The following CSF1R variants were observed in gnomAD, a reference collection of about 807,000 sequenced individuals.
CSF1R encodes colony stimulating factor 1 receptor, also known as macrophage colony-stimulating factor 1 receptor.
Under a neutral mutation model 110.0 loss-of-function variants are expected in CSF1R, and 40 were observed. The observed-to-expected ratio is 0.36, with a 90% CI of 0.28 to 0.47. The LOEUF is 0.47. CSF1R is among the 20% of genes least tolerant of loss of function. The pLI is 0.99. For missense variants in CSF1R, 1,052 were observed against 1,253.0 expected (o/e 0.84, Z 2.42); for synonymous variants, 523 against 503.4 (o/e 1.04, Z -0.52).
Position 150,097,804 on chromosome 5 carries a change from A to G in CSF1R, c.-180-11197T>C, listed in dbSNP as rs549613245. Among the ~76,000 whole-genome samples the G allele has an allele frequency of 7.2e-5, 11 of 152,350 alleles. No individual in the cohort carries two copies. In the South Asian group the frequency reaches 1.2e-3, roughly 17 times the overall value. ...CAATGTTTGTGGGTTTGAAGACTCAATATTTTTGAGCATGCTGATTCTTCT... is the reference window on the plus strand; with the variant it reads ...CAATGTTTGTGGGTTTGAAGACTCAGTATTTTTGAGCATGCTGATTCTTCT... On this transcript the variant is annotated intron_variant, in intron 1 of 21. Transcript: ENST00000286301.
chr5:150,058,260 C>T (rs1205810606), intron 14 of CSF1R: 1 of 456,280 alleles, frequency 2.2e-6, no homozygotes, highest in South Asian at 1.5e-5. Context: ...TCCAACAGTC[C>T]TCAAGAGATG....
chr5:150,054,675 G>A, intron 19 of CSF1R: 2 of 477,826 alleles, frequency 4.2e-6, no homozygotes, highest in Non-Finnish European at 7.4e-6. Flanking sequence ...CAGGGTAACT[G>A]TAATAACGAT....
intron 13 of CSF1R, among the ~76,000 whole-genome samples, chr5:150,060,329 G>C (rs1209944538): frequency 9.4e-6 from 1 of 106,444 alleles, no homozygotes; most frequent in Admixed American, 9.7e-5. Flanking sequence ...TCCGTCTCAA[G>C]AAAAAAAAAA....
At chr5:150,062,397 A>T (rs1757571829) in intron 10 of CSF1R, among the ~76,000 whole-genome samples, 1 of 146,788 alleles carries the variant, frequency 6.8e-6, no homozygotes, top group African/African-American at 2.5e-5. Flanking sequence ...CAAAACTGAA[A>T]TTCTGTTCCT....
chr5:150,090,246 A>G (rs1336378695), upstream of CSF1R, among the ~76,000 whole-genome samples: 1 of 152,256 alleles, frequency 6.6e-6, no homozygotes, highest in African/African-American at 2.4e-5. Context: ...ATGAATATTT[A>G]TATCCACAAT....
At chr5:150,081,547 A>G (rs1448661726) in intron 1 of CSF1R, among the ~76,000 whole-genome samples, 1 of 152,136 alleles carries the variant, frequency 6.6e-6, no homozygotes. Flanking sequence ...CGCTCCCACC[A>G]ATGGACATCT....
intron 4 of CSF1R, among the ~76,000 whole-genome samples, chr5:150,077,856 A>G (rs1304794396): frequency 3.3e-5 from 5 of 152,230 alleles, no homozygotes; most frequent in African/African-American, 1.2e-4. Context: ...GGCAAAGGCC[A>G]TGTGTCAAGG....
Position 150,080,150 on chromosome 5 carries a change from T to A in CSF1R, c.494A>T (p.His165Leu). Residue 165 changes from histidine to leucine, a missense_variant, in exon 3 of 21, where the codon CAC becomes CTC. His to Leu is a moderately conservative substitution (Grantham distance 99). Around this residue, in one of 5 missense-constraint regions of CSF1R, gnomAD observed 693 missense variants for 735.4 expected, o/e 0.94. Coordinates refer to ENST00000675795, the MANE Select transcript of CSF1R (RefSeq NM_001288705.3). Reference protein sequence around the residue: ...SFSPWHGFTIHRAKFIQSQDY... With the variant: ...SFSPWHGFTILRAKFIQSQDY... ...CTGGCTCTGAATGAACTTGGCCCTG[T>A]GGATGGTGAAGCCATGCCAGGGCGA... 6.2e-7 allele frequency: 1 copy of A among 1,614,090 alleles called. No homozygotes were observed. Among genetic ancestry groups the A allele is most frequent in the Non-Finnish European group, 8.5e-7 (1 of 1,180,050 alleles).
intron 1 of CSF1R, among the ~76,000 whole-genome samples, chr5:150,092,775 T>G (rs1431829293): frequency 6.6e-6 from 1 of 152,100 alleles, no homozygotes; most frequent in Non-Finnish European, 1.5e-5. Flanking sequence ...CAATTCAAGG[T>G]GAGAATTGGG....
At chr5:150,063,872 TG>T (rs1757641381) in intron 10 of CSF1R, among the ~76,000 whole-genome samples, 1 of 152,166 alleles carries the variant, frequency 6.6e-6, no homozygotes, top group African/African-American at 2.4e-5. Context: ...TGGCTGTGCC[TG>T]CAGCTGGGCT....
intron 10 of CSF1R, among the ~76,000 whole-genome samples, chr5:150,067,743 T>C (rs1757836428): frequency 6.6e-6 from 1 of 152,222 alleles, no homozygotes; most frequent in African/African-American, 2.4e-5. Flanking sequence ...TGCCCCGTGC[T>C]GGGTGCCAGG....
At chr5:150,077,500 C>A in intron 4 of CSF1R, 65 bp from the exon 5 acceptor site, 1 of 1,511,536 alleles carries the variant, frequency 6.6e-7, no homozygotes, top group Non-Finnish European at 9.1e-7. Flanking sequence ...ATCTGGGTTC[C>A]AATCCTCAGC....
At chr5:150,058,201 C>G in intron 14 of CSF1R, 1 of 456,102 alleles carries the variant, frequency 2.2e-6, no homozygotes, top group South Asian at 1.5e-5. Context: ...CTCTGCAATG[C>G]AGATTTTGAA....
At chr5:150,111,113 T>C (rs762586425) in intron 1 of CSF1R, among the ~76,000 whole-genome samples, 48 of 152,230 alleles carry the variant, frequency 3.2e-4, no homozygotes, top group Non-Finnish European at 6.5e-4. Context: ...AAACCGAACA[T>C]TATAACTAAA....
intron 10 of CSF1R, chr5:150,067,172 T>A (rs1217288494): frequency 1.3e-5 from 2 of 150,132 alleles, no homozygotes; most frequent in Non-Finnish European, 2.9e-5. Context: ...TGGGGCCCAG[T>A]GCCAACCCTA....
chr5:150,096,017 AC>A (rs1759212189), intron 1 of CSF1R, among the ~76,000 whole-genome samples: 1 of 152,240 alleles, frequency 6.6e-6, no homozygotes, highest in Non-Finnish European at 1.5e-5. Context: ...GTAGTTAAAA[AC>A]CTTCTAACCA....
chr5:150,062,945 G>T (rs550676387), intron 10 of CSF1R, among the ~76,000 whole-genome samples: 1 of 152,280 alleles, frequency 6.6e-6, no homozygotes, highest in South Asian at 2.1e-4. Context: ...AGCCATCATG[G>T]CTTGAGGGAA....
At chr5:150,074,305 GTT>G (rs35475636) in intron 5 of CSF1R, among the ~76,000 whole-genome samples, 12 of 126,846 alleles carry the variant, frequency 9.5e-5, no homozygotes, top group Non-Finnish European at 1.3e-4. Context: ...GTCCTGACTA[GTT>G]TTTTTTTTTT....
intron 5 of CSF1R, among the ~76,000 whole-genome samples, chr5:150,076,352 ATCTATC>A: frequency 6.8e-6 from 1 of 147,744 alleles, no homozygotes; most frequent in Non-Finnish European, 1.5e-5. Flanking sequence ...CTATCTATCT[ATCTATC>A]TATCTATCTA....
Sources: allele counts gnomAD v4.1 joint callset (sites outside exome capture counted in the v4.1 genomes callset), GRCh38; gene constraint gnomAD v4.1.1; regional missense constraint gnomAD v4.1.1; transcripts MANE v1.5; gene names NCBI Gene and HGNC (gene_info 2026-07-23, HGNC 2026-07-21).